The following GPHN variants were observed in gnomAD, a reference collection of about 807,000 sequenced individuals.
GPHN encodes the protein gephyrin.
Under a neutral mutation model 95.5 loss-of-function variants are expected in GPHN, and 17 were observed. That is an observed-to-expected ratio of 0.18 (90% CI 0.12 to 0.27). The LOEUF (loss-of-function observed/expected upper bound fraction) is 0.27. Among genes scored for constraint, GPHN ranks in the 10% least tolerant of loss-of-function variants. The pLI, the probability that GPHN is intolerant of heterozygous loss-of-function variation, is 1.00. For missense variants in GPHN, 660 were observed against 978.1 expected (o/e 0.67, Z 4.34); for synonymous variants, 320 against 322.5 (o/e 0.99, Z 0.08).
intron 9 of GPHN, among the ~76,000 whole-genome samples, chr14:67,014,084 A>G (rs1416110160): frequency 6.6e-6 from 1 of 152,038 alleles, no homozygotes; most frequent in Non-Finnish European, 1.5e-5. Flanking sequence ...GAACTGTCAA[A>G]ATCACACACA....
chr14:67,484,232 C>A, the GPHN span, among the ~76,000 whole-genome samples: 2 of 152,216 alleles, frequency 1.3e-5, no homozygotes, highest in Non-Finnish European at 2.9e-5. Flanking sequence ...AGCAGGGGCA[C>A]TGTCTTGTTC....
the GPHN span, among the ~76,000 whole-genome samples, chr14:67,322,459 T>G: frequency 5.9e-5 from 9 of 152,330 alleles, no homozygotes; most frequent in South Asian, 1.9e-3. Flanking sequence ...GCATACGACT[T>G]TCCTTAATGT....
the GPHN span, among the ~76,000 whole-genome samples, chr14:67,608,237 A>G: frequency 1.3e-5 from 2 of 151,424 alleles, no homozygotes; most frequent in East Asian, 3.9e-4. Context: ...CCCTGTCTCG[A>G]AAAAAAAAGA....
chr14:67,014,848 T>G (rs2073211143), intron 9 of GPHN, among the ~76,000 whole-genome samples: 1 of 152,170 alleles, frequency 6.6e-6, no homozygotes. Context: ...TGATCAACAT[T>G]AACATTTTCA....
At chr14:67,597,383 T>C in the GPHN span, among the ~76,000 whole-genome samples, 1 of 151,698 alleles carries the variant, frequency 6.6e-6, no homozygotes, top group African/African-American at 2.4e-5. Flanking sequence ...GTGGCTGAGA[T>C]AAGAGGATCG....
chr14:67,527,420 A>G, the GPHN span, among the ~76,000 whole-genome samples: 1 of 152,200 alleles, frequency 6.6e-6, no homozygotes, highest in Non-Finnish European at 1.5e-5. Flanking sequence ...CCTGGGCAAC[A>G]AGAGTGAAAC....
intron 2 of GPHN, among the ~76,000 whole-genome samples, chr14:66,723,986 TACAC>T (rs371629259): frequency 8.2e-4 from 105 of 127,942 alleles, no homozygotes; most frequent in East Asian, 3.4e-3. Flanking sequence ...CATGCATACA[TACAC>T]ACACACACAC....
chr14:66,579,162 G>A (rs2061040993), intron 1 of GPHN, among the ~76,000 whole-genome samples: 1 of 151,738 alleles, frequency 6.6e-6, no homozygotes, highest in South Asian at 2.1e-4. Flanking sequence ...TATGTTTTAT[G>A]TAAGCCTCAT....
the GPHN span, chr14:67,395,432 G>T: frequency 2.6e-5 from 42 of 1,614,006 alleles, 1 homozygote; most frequent in Non-Finnish European, 3.4e-5. Context: ...CAGCTTGAAG[G>T]AGTTTCTCAG....
At chr14:66,925,535 T>C (rs1447565706) in intron 8 of GPHN, among the ~76,000 whole-genome samples, 1 of 152,194 alleles carries the variant, frequency 6.6e-6, no homozygotes, top group African/African-American at 2.4e-5. Context: ...GCAAAGTTTG[T>C]CTTTTTGTGC....
intron 1 of GPHN, among the ~76,000 whole-genome samples, chr14:66,530,837 AAC>A (rs2058896027): frequency 6.6e-6 from 1 of 152,006 alleles, no homozygotes; most frequent in Non-Finnish European, 1.5e-5. Flanking sequence ...CTCAGTTGGA[AAC>A]ACACAAATCA....
intron 4 of GPHN, among the ~76,000 whole-genome samples, chr14:66,825,049 T>C (rs2061342900): frequency 6.6e-6 from 1 of 152,188 alleles, no homozygotes; most frequent in Non-Finnish European, 1.5e-5. Context: ...AGCATTTAAA[T>C]GCAGAATTTA....
chr14:67,269,231 A>G, the GPHN span, among the ~76,000 whole-genome samples: 2 of 152,178 alleles, frequency 1.3e-5, no homozygotes, highest in Non-Finnish European at 2.9e-5. Context: ...AATGTTTCAT[A>G]TAGGATTATA....
intron 5 of GPHN, among the ~76,000 whole-genome samples, chr14:66,911,685 A>T (rs1408745025): frequency 6.6e-6 from 1 of 151,852 alleles, no homozygotes; most frequent in Non-Finnish European, 1.5e-5. Flanking sequence ...AATATTTTTC[A>T]TATTCTTCTA....
the GPHN span, chr14:67,374,642 G>C: frequency 1.3e-6 from 1 of 771,612 alleles, no homozygotes; most frequent in Non-Finnish European, 2.0e-6. Context: ...TTAAAGTATT[G>C]CTTATGATCT....
chr14:66,607,592 G>A (rs2062595283), intron 1 of GPHN, among the ~76,000 whole-genome samples: 1 of 151,714 alleles, frequency 6.6e-6, no homozygotes, highest in Non-Finnish European at 1.5e-5. Context: ...GTTCTTATTT[G>A]TATGCCTGGT....
intron 10 of GPHN, among the ~76,000 whole-genome samples, chr14:67,026,180 G>T (rs937766383): frequency 6.6e-6 from 1 of 152,044 alleles, no homozygotes; most frequent in Non-Finnish European, 1.5e-5. Context: ...GTAAAATGTG[G>T]TAATAACTTG....
intron 4 of GPHN, among the ~76,000 whole-genome samples, chr14:66,852,482 A>G (rs2153516440): frequency 6.6e-6 from 1 of 152,372 alleles, no homozygotes. Flanking sequence ...AAAATATTGC[A>G]TATGGATGAA....
chr14:67,412,881 C>T, the GPHN span, among the ~76,000 whole-genome samples: 1 of 152,074 alleles, frequency 6.6e-6, no homozygotes, highest in Non-Finnish European at 1.5e-5. Flanking sequence ...CCTGCCTCAG[C>T]TCCCCAAGTA....
Sources: allele counts gnomAD v4.1 joint callset (sites outside exome capture counted in the v4.1 genomes callset), GRCh38; gene constraint gnomAD v4.1.1; transcripts MANE v1.5; gene names NCBI Gene and HGNC (gene_info 2026-07-23, HGNC 2026-07-21).